Variants in ESRRG observed in about 807,000 individuals in gnomAD.
ESRRG encodes estrogen related receptor gamma.
A neutral mutation model predicts 44.0 loss-of-function variants in ESRRG; 13 were observed. The ratio of observed to expected loss-of-function variants is 0.30; its 90% CI spans 0.19 to 0.47. The LOEUF is 0.47. ESRRG is among the 20% of genes least tolerant of loss of function. The pLI is 1.00. For synonymous variants in ESRRG, 215 were observed against 214.6 expected (o/e 1.00, Z -0.02); for missense variants, 395 against 580.6 (o/e 0.68, Z 3.29).
intron 1 of ESRRG, among the ~76,000 whole-genome samples, chr1:216,989,686 G>A (rs2075390335): frequency 6.6e-6 from 1 of 152,038 alleles, no homozygotes. Context: ...CTCAGTGATG[G>A]CTTACACTTT....
chr1:216,956,224 G>A (rs78354243), intron 1 of ESRRG, among the ~76,000 whole-genome samples: 12,840 of 147,396 alleles, frequency 0.087, 710 homozygotes, highest in South Asian at 0.13. Context: ...TGTATGTGGC[G>A]AGGGATAGGG....
chr1:216,685,568 C>T (rs1279518469), intron 1 of ESRRG, among the ~76,000 whole-genome samples: 1 of 152,156 alleles, frequency 6.6e-6, no homozygotes, highest in Non-Finnish European at 1.5e-5. Context: ...AAGAAATAAA[C>T]AGACATTCAA....
intron 5 of ESRRG, among the ~76,000 whole-genome samples, chr1:216,542,300 A>G (rs1371118879): frequency 6.6e-6 from 1 of 151,868 alleles, no homozygotes; most frequent in East Asian, 1.9e-4. Context: ...AGTAGGATTC[A>G]GGCTTTTTTC....
At chr1:216,620,637 T>C (rs2062069608) in intron 3 of ESRRG, among the ~76,000 whole-genome samples, 1 of 152,162 alleles carries the variant, frequency 6.6e-6, no homozygotes, top group Non-Finnish European at 1.5e-5. Context: ...TCACATTGCA[T>C]TGTGGTAACA....
chr1:217,037,010 A>G (rs2083025558), intron 1 of ESRRG, among the ~76,000 whole-genome samples: 1 of 152,124 alleles, frequency 6.6e-6, no homozygotes, highest in Non-Finnish European at 1.5e-5. Flanking sequence ...AATCACTTCC[A>G]AGCTGCTTCC....
intron 1 of ESRRG, among the ~76,000 whole-genome samples, chr1:216,955,014 A>G (rs757118387): frequency 1.3e-5 from 2 of 152,324 alleles, no homozygotes; most frequent in South Asian, 2.1e-4. Context: ...TAGAATATCC[A>G]TCATCATAAC....
intron 3 of ESRRG, among the ~76,000 whole-genome samples, chr1:216,575,875 G>A (rs1207741432): frequency 6.6e-6 from 1 of 151,994 alleles, no homozygotes; most frequent in African/African-American, 2.4e-5. Context: ...ACTAGCAGGA[G>A]GAAAAAATAA....
At chr1:216,848,201 A>C (rs1437724738) in intron 2 of ESRRG, among the ~76,000 whole-genome samples, 1 of 152,122 alleles carries the variant, frequency 6.6e-6, no homozygotes, top group Non-Finnish European at 1.5e-5. Flanking sequence ...AAAGACATGT[A>C]AAAGTACACA....
intron 1 of ESRRG, among the ~76,000 whole-genome samples, chr1:217,077,485 C>G (rs554097185): frequency 1.3e-5 from 2 of 152,156 alleles, no homozygotes; most frequent in South Asian, 2.1e-4. Flanking sequence ...ATACGACCAC[C>G]CTTGAAAACA....
chr1:216,956,223 C>T (rs1476464171), intron 1 of ESRRG, among the ~76,000 whole-genome samples: 4 of 147,218 alleles, frequency 2.7e-5, no homozygotes, highest in African/African-American at 9.7e-5. Context: ...TTGTATGTGG[C>T]GAGGGATAGG....
chr1:216,745,266 C>T (rs1037665321), intron 2 of ESRRG, among the ~76,000 whole-genome samples: 1 of 152,152 alleles, frequency 6.6e-6, no homozygotes, highest in African/African-American at 2.4e-5. Context: ...TCCAGCGATC[C>T]TCTCACTTCC....
chr1:216,629,620 G>C (rs545507299), intron 3 of ESRRG, among the ~76,000 whole-genome samples: 1 of 151,544 alleles, frequency 6.6e-6, no homozygotes, highest in African/African-American at 2.4e-5. Flanking sequence ...ACACCAAATG[G>C]CAGAGGAGAA....
chr1:216,992,196 T>C (rs192065875), intron 1 of ESRRG, among the ~76,000 whole-genome samples: 166 of 152,366 alleles, frequency 1.1e-3, no homozygotes, highest in African/African-American at 3.8e-3. Flanking sequence ...GCTGTCAGTC[T>C]TTGTGACTCC....
intron 1 of ESRRG, among the ~76,000 whole-genome samples, chr1:217,071,786 A>G (rs569745356): frequency 1.3e-5 from 2 of 152,322 alleles, no homozygotes; most frequent in African/African-American, 4.8e-5. Context: ...CAATCTGATG[A>G]AGTGGGTATA....
chr1:217,008,381 T>A (rs1329028607), intron 1 of ESRRG, among the ~76,000 whole-genome samples: 1 of 152,352 alleles, frequency 6.6e-6, no homozygotes, highest in East Asian at 1.9e-4. Context: ...AACGAAAGTA[T>A]AATCTAGCAA....
intron 1 of ESRRG, among the ~76,000 whole-genome samples, chr1:217,008,531 G>C (rs2078090202): frequency 6.6e-6 from 1 of 152,186 alleles, no homozygotes; most frequent in East Asian, 1.9e-4. Context: ...GCACTCTCTA[G>C]GTTCTAGGCT....
In ESRRG at chr1:216,505,996, G is replaced by A. The variant is rs1347104214; in HGVS notation, c.*943C>T. The A allele has an allele frequency of 6.5e-6, 1 of 152,694 alleles. No homozygotes were observed. Among genetic ancestry groups the A allele is most frequent in the East Asian group, 1.9e-4 (1 of 5,180 alleles). The allele number at this position is 152,694 out of a possible 1,614,324, so 9.5% of individuals were successfully genotyped here. A position where few individuals can be genotyped will look rare whatever the true frequency, so the allele number is the denominator to read the frequency against. On this transcript the variant is annotated 3_prime_UTR_variant, in exon 7 of 7. Coordinates refer to ENST00000408911, the MANE Select transcript of ESRRG (RefSeq NM_001438.4). ...TGTTCAAAGCCAGCACAAAATTGCA[G>A]TATTCTTATTTCTCTTTAGTATTGC...
chr1:216,880,774 A>G lies in ESRRG; in HGVS notation c.-14+58808T>C, dbSNP rs533529559. On this transcript the variant is annotated intron_variant, in intron 2 of 7. Coordinates refer to the ESRRG transcript ENST00000359162. ...GTATATTAAGGAATATGAGGTATGA[A>G]TCCACAAATGAGAAAAATTGGAATT... 1.6e-4 allele frequency among the ~76,000 whole-genome samples: 24 copies of G among 152,306 alleles called. No homozygotes were observed. In the South Asian group the frequency reaches 4.1e-3, roughly 26 times the overall value.
intron 1 of ESRRG, among the ~76,000 whole-genome samples, chr1:216,964,747 G>GA (rs141865798): frequency 0.23 from 33,660 of 147,596 alleles, 4,499 homozygotes; most frequent in African/African-American, 0.38. Flanking sequence ...AGAAGAGAAG[G>GA]AAAAAAAAAA....
Sources: allele counts gnomAD v4.1 joint callset (sites outside exome capture counted in the v4.1 genomes callset), GRCh38; gene constraint gnomAD v4.1.1; transcripts MANE v1.5; gene names NCBI Gene and HGNC (gene_info 2026-07-23, HGNC 2026-07-21).